Variants in KAZN observed in about 807,000 individuals in gnomAD.
KAZN encodes kazrin.
In KAZN, 40 loss-of-function variants were observed where a neutral mutation model predicts 87.4. The ratio of observed to expected loss-of-function variants is 0.46; its 90% CI spans 0.36 to 0.60. The LOEUF (loss-of-function observed/expected upper bound fraction) is 0.60. Among genes scored for constraint, KAZN ranks in the 20% least tolerant of loss-of-function variants. The pLI is 0.00. For missense variants in KAZN, 898 were observed against 1,073.9 expected (o/e 0.84, Z 2.29); for synonymous variants, 466 against 458.3 (o/e 1.02, Z -0.22).
chr1:14,007,214 A>T (rs888654949), intron 1 of KAZN, among the ~76,000 whole-genome samples: 1 of 152,158 alleles, frequency 6.6e-6, no homozygotes, highest in African/African-American at 2.4e-5. Context: ...ATTGTTAATT[A>T]GTTCTAAAGT....
At chr1:14,604,767 C>T (rs1036105799) in intron 1 of KAZN, among the ~76,000 whole-genome samples, 6 of 152,122 alleles carry the variant, frequency 3.9e-5, no homozygotes, top group Non-Finnish European at 7.3e-5. Context: ...GGTCCCTGCC[C>T]CTTTACTTTC....
chr1:14,445,241 G>T (rs1666917483), intron 2 of KAZN, among the ~76,000 whole-genome samples: 1 of 152,066 alleles, frequency 6.6e-6, no homozygotes, highest in Non-Finnish European at 1.5e-5. Context: ...GGCCAGGCTG[G>T]TCTCGAACTC....
chr1:14,049,132 G>A (rs1297793694), intron 1 of KAZN, among the ~76,000 whole-genome samples: 1 of 152,118 alleles, frequency 6.6e-6, no homozygotes, highest in Non-Finnish European at 1.5e-5. Context: ...ATACTATGCA[G>A]CCATAAAAAA....
chr1:14,898,589 C>G (rs999413588), intron 1 of KAZN, among the ~76,000 whole-genome samples: 1 of 152,158 alleles, frequency 6.6e-6, no homozygotes, highest in Non-Finnish European at 1.5e-5. Flanking sequence ...AAATCAGCAC[C>G]TCCAGCTTAC....
chr1:14,164,644 G>T (rs1214951117), intron 1 of KAZN, among the ~76,000 whole-genome samples: 1 of 149,114 alleles, frequency 6.7e-6, no homozygotes, highest in African/African-American at 2.5e-5. Context: ...GGGTTCAAGC[G>T]ATTCTCCTGC....
intron 2 of KAZN, among the ~76,000 whole-genome samples, chr1:14,520,091 A>G (rs140760710): frequency 6.6e-6 from 1 of 152,264 alleles, no homozygotes; most frequent in African/African-American, 2.4e-5. Context: ...CCTGTAGACA[A>G]AAGTCAAGAT....
At chr1:14,368,154 GT>G (rs2101005153) in intron 2 of KAZN, among the ~76,000 whole-genome samples, 1 of 152,200 alleles carries the variant, frequency 6.6e-6, no homozygotes, top group African/African-American at 2.4e-5. Flanking sequence ...CATTCAATGT[GT>G]TTGTTGACTG....
intron 1 of KAZN, among the ~76,000 whole-genome samples, chr1:14,620,914 C>G (rs967260304): frequency 6.6e-6 from 1 of 152,214 alleles, no homozygotes; most frequent in African/African-American, 2.4e-5. Context: ...GTGTCCCCAT[C>G]ATCATCTTCA....
chr1:14,256,820 G>A (rs1315696918), intron 2 of KAZN, among the ~76,000 whole-genome samples: 1 of 152,090 alleles, frequency 6.6e-6, no homozygotes, highest in East Asian at 1.9e-4. Context: ...CCCCATGAAG[G>A]GCTTTAGGGG....
Position 14,561,885 on chromosome 1 carries a change from A to G in KAZN, c.250-37098A>G, listed in dbSNP as rs1571938465. On this transcript the variant is annotated intron_variant, in intron 2 of 16. Transcript: ENST00000636203. ...TGCCACTGCACTCCAGCCTTCATGA[A>G]AGAGCAAAACTCCATCTCAAAAAAA... 5.3e-5 allele frequency among the ~76,000 whole-genome samples: 8 copies of G among 151,700 alleles called. 1 individual carries two copies. The highest frequency in any genetic ancestry group is 1.9e-4 in the African/African-American group (8 of 41,422).
intron 1 of KAZN, among the ~76,000 whole-genome samples, chr1:14,627,587 G>A (rs1161531973): frequency 1.3e-5 from 2 of 152,204 alleles, no homozygotes; most frequent in African/African-American, 2.4e-5. Flanking sequence ...CAGGGGCTGC[G>A]TCTGGTTTGC....
At chr1:14,461,395 G>A (rs1370355896) in intron 2 of KAZN, among the ~76,000 whole-genome samples, 1 of 152,126 alleles carries the variant, frequency 6.6e-6, no homozygotes, top group Non-Finnish European at 1.5e-5. Context: ...GCTTTTATAA[G>A]GGGAAACCCC....
chr1:14,393,776 T>A (rs1206979842), intron 2 of KAZN, among the ~76,000 whole-genome samples: 1 of 144,760 alleles, frequency 6.9e-6, no homozygotes, highest in East Asian at 2.0e-4. Flanking sequence ...GATCCCAGGA[T>A]GCAGAGGTTG....
chr1:14,461,943 C>T lies in KAZN; in HGVS notation c.250-137040C>T, dbSNP rs148102013. Among the ~76,000 whole-genome samples the T allele has an allele frequency of 5.3e-3, 798 of 151,848 alleles. 8 individuals are homozygous for T. The highest frequency in any genetic ancestry group is 0.041 in the Middle Eastern group (12 of 292). On this transcript the variant is annotated intron_variant, in intron 2 of 16. Transcript: ENST00000636203. Reference sequence around the variant, plus strand: ...GGGAAAACAAAAATATGAATTCTCTCCTGGGTGATATGGTTTGGCTGTGTC... The same window carrying T: ...GGGAAAACAAAAATATGAATTCTCTTCTGGGTGATATGGTTTGGCTGTGTC...
intron 2 of KAZN, among the ~76,000 whole-genome samples, chr1:14,393,098 T>TA (rs1334986110): frequency 6.6e-6 from 1 of 152,214 alleles, no homozygotes; most frequent in Non-Finnish European, 1.5e-5. Context: ...TGTTTGTTTT[T>TA]AAGGTTCCAC....
At chr1:14,985,121 G>C (rs1666652510) in intron 2 of KAZN, among the ~76,000 whole-genome samples, 1 of 148,820 alleles carries the variant, frequency 6.7e-6, no homozygotes, top group South Asian at 2.1e-4. Context: ...GGGCGACAGA[G>C]CAAGACTCTG....
rs558031383 is a variant in KAZN, at chr1:14,664,651, CTCTTTTTTTTTTTT to C, written c.226+65430_226+65443del. Among the ~76,000 whole-genome samples, 587 of 147,928 alleles carry C rather than the reference CTCTTTTTTTTTTTT, an allele frequency of 4.0e-3. 1 individual carries two copies. Among genetic ancestry groups the C allele is most frequent in the Non-Finnish European group, 6.3e-3 (424 of 67,318 alleles). ...GGGGCCCAGGGATCCTTTTCTTTTT[CTCTTTTTTTTTTTT>C]TTTTCTGAGACAGAGTCTCGCTCTG... is the stretch of plus-strand genomic sequence containing the variant. On this transcript the variant is annotated intron_variant, in intron 1 of 14. Coordinates refer to ENST00000376030, the MANE Select transcript of KAZN (RefSeq NM_201628.3).
intron 1 of KAZN, among the ~76,000 whole-genome samples, chr1:14,774,611 C>T (rs1645122895): frequency 6.6e-6 from 1 of 152,060 alleles, no homozygotes; most frequent in Admixed American, 6.5e-5. Context: ...GTTGGGACTA[C>T]AGGCATGCAT....
intron 1 of KAZN, among the ~76,000 whole-genome samples, chr1:14,872,803 G>A (rs1652287569): frequency 6.6e-6 from 1 of 152,152 alleles, no homozygotes; most frequent in Admixed American, 6.6e-5. Flanking sequence ...TGGATGGATG[G>A]ACGTACAGAT....
Sources: allele counts gnomAD v4.1 joint callset (sites outside exome capture counted in the v4.1 genomes callset), GRCh38; gene constraint gnomAD v4.1.1; transcripts MANE v1.5; gene names NCBI Gene and HGNC (gene_info 2026-07-23, HGNC 2026-07-21).